The following ARHGEF1 variants were observed in gnomAD, a reference collection of about 807,000 sequenced individuals.
ARHGEF1 encodes the protein 115 kDa guanine nucleotide exchange factor.
ARHGEF1 carries 40 observed loss-of-function variants against 119.7 expected under a neutral mutation model. That is an observed-to-expected ratio of 0.33 (90% CI 0.26 to 0.44). ARHGEF1 has a LOEUF of 0.44. Ranked by LOEUF, ARHGEF1 falls within the 20% of genes least tolerant of loss-of-function variation. The pLI is 1.00. For missense variants in ARHGEF1, 976 were observed against 1,268.3 expected (o/e 0.77, Z 3.50); for synonymous variants, 494 against 521.0 (o/e 0.95, Z 0.71).
At chr19:41,915,230 C>G (rs985504420) in intron 18 of ARHGEF1, among the ~76,000 whole-genome samples, 5 of 141,730 alleles carry the variant, frequency 3.5e-5, no homozygotes, top group East Asian at 2.2e-4. Context: ...CACGTTATAA[C>G]GAGGAGCCGT....
rs1285386935 is a variant in ARHGEF1, at chr19:41,907,222, C to G, written c.*135C>G. On this transcript the variant is annotated 3_prime_UTR_variant, in exon 29 of 29. Coordinates refer to ENST00000354532, the MANE Select transcript of ARHGEF1 (RefSeq NM_004706.4). ...GAGGAGAGGGAGCTGTGGGCCACGC[C>G]TGGGAGGGGCCCAGCTGGGGTTACT... 4 of 1,519,786 alleles carry G rather than the reference C, an allele frequency of 2.6e-6. No individual in the cohort carries two copies. Among genetic ancestry groups the G allele is most frequent in the African/African-American group, 2.8e-5 (2 of 72,426 alleles). The allele number at this position is 1,519,786 out of a possible 1,614,324, so 94.1% of individuals were successfully genotyped here.
intron 12 of ARHGEF1, 60 bp downstream of exon 12, chr19:41,895,546 C>T: frequency 1.3e-6 from 2 of 1,519,944 alleles, no homozygotes; most frequent in Admixed American, 1.9e-5. Flanking sequence ...GGGGTGCTGC[C>T]TGCCCCCTTG....
chr19:41,898,963 C>G (rs1188916909), intron 14 of ARHGEF1, among the ~76,000 whole-genome samples: 2 of 152,146 alleles, frequency 1.3e-5, no homozygotes, highest in Admixed American at 6.6e-5. Context: ...TAGTGCTGGG[C>G]ACAGAGGAAG....
chr19:41,920,839 G>A (rs2074837665), upstream of ARHGEF1, among the ~76,000 whole-genome samples: 1 of 152,246 alleles, frequency 6.6e-6, no homozygotes, highest in Non-Finnish European at 1.5e-5. Flanking sequence ...TTGAGAGGTG[G>A]GGAGGCTCCA....
At chr19:41,894,166 GTCTT>G (rs782083021) in intron 8 of ARHGEF1, 37 bp from the exon 9 acceptor site, 2,162 of 1,226,748 alleles carry the variant, frequency 1.8e-3, no homozygotes, top group Middle Eastern at 2.6e-3. Flanking sequence ...GTGTGTGTGT[GTCTT>G]TGTGTGTGTT....
At chr19:41,924,188 A>T (rs2074858750) in intron 1 of ARHGEF1, among the ~76,000 whole-genome samples, 1 of 151,770 alleles carries the variant, frequency 6.6e-6, no homozygotes, top group Non-Finnish European at 1.5e-5. Context: ...GTGTCACCAA[A>T]GTCCCTAGGT....
upstream of ARHGEF1, chr19:41,922,998 A>C: frequency 2.7e-6 from 1 of 375,736 alleles, no homozygotes; most frequent in Admixed American, 3.3e-5. Context: ...AGGGAATGTG[A>C]GGGGCAGCCT....
Position 41,883,217 on chromosome 19 carries a change from G to C in ARHGEF1, c.-92G>C, listed in dbSNP as rs1326567509. Reference sequence around the variant, plus strand: ...GCCCCGCCAGAGCCAGGAAGCGGGAGCCGGGACCCAGGGCCCGGGATCGCC... The same window carrying C: ...GCCCCGCCAGAGCCAGGAAGCGGGACCCGGGACCCAGGGCCCGGGATCGCC... On this transcript the variant is annotated 5_prime_UTR_variant, in exon 1 of 29. Coordinates refer to ENST00000354532, the MANE Select transcript of ARHGEF1 (RefSeq NM_004706.4). The surrounding 1 kb of genome is among the most constrained non-coding windows in gnomAD (Gnocchi z 7.6). 2 of 190,720 alleles carry C rather than the reference G, an allele frequency of 1.0e-5. No homozygotes were observed. Among genetic ancestry groups the C allele is most frequent in the African/African-American group, 4.8e-5 (2 of 41,736 alleles). 11.8% of individuals were successfully genotyped at this position (190,720 alleles called of 1,614,324 possible). A position where few individuals can be genotyped will look rare whatever the true frequency, so the allele number is the denominator to read the frequency against.
chr19:41,888,124 G>T lies in ARHGEF1; in HGVS notation c.24+18G>T, dbSNP rs781809211. 2.5e-6 allele frequency: 4 copies of T among 1,614,092 alleles called. No homozygotes were observed. Among genetic ancestry groups the T allele is most frequent in the Non-Finnish European group, 3.4e-6 (4 of 1,180,018 alleles). ...GAGGGGCGGTGAGTGGACAGAGCAAGGGGTGAGGCGACTCTGGGGCTGTGG... is the reference window on the plus strand; with the variant it reads ...GAGGGGCGGTGAGTGGACAGAGCAATGGGTGAGGCGACTCTGGGGCTGTGG... On this transcript the variant is annotated intron_variant, in intron 2 of 28. Coordinates refer to ENST00000354532, the MANE Select transcript of ARHGEF1 (RefSeq NM_004706.4). The surrounding 1 kb of genome is among the most constrained non-coding windows in gnomAD (Gnocchi z 5.1).
chr19:41,913,011 G>A (rs1209076220), intron 18 of ARHGEF1: 3 of 591,822 alleles, frequency 5.1e-6, no homozygotes, highest in Admixed American at 4.4e-5. Flanking sequence ...GGCGCTGCCC[G>A]GGGCCTTCCC....
downstream of ARHGEF1, chr19:41,908,291 C>T: frequency 8.1e-7 from 1 of 1,231,596 alleles, no homozygotes; most frequent in Non-Finnish European, 1.0e-6. This position sits in a 1 kb window ranked among gnomAD's most constrained non-coding sequence, Gnocchi z 6.7. Flanking sequence ...CCTCATCGCC[C>T]TCGCTGTCAG....
rs1343492995 is a variant in ARHGEF1, at chr19:41,916,689, G to A, written c.1866-6403G>A. On this transcript the variant is annotated intron_variant, in intron 18 of 20. Coordinates refer to the ARHGEF1 transcript ENST00000599589. This position sits in a 1 kb window ranked among gnomAD's most constrained non-coding sequence, Gnocchi z 5.4. Reference sequence around the variant, plus strand: ...AACCAAGCACCACCGACCCTCGAGCGCATACATATGCACTTGGTCACGCAT... The same window carrying A: ...AACCAAGCACCACCGACCCTCGAGCACATACATATGCACTTGGTCACGCAT... 1.3e-5 allele frequency among the ~76,000 whole-genome samples: 2 copies of A among 151,476 alleles called. No homozygotes were observed. The highest frequency in any genetic ancestry group is 2.9e-5 in the Non-Finnish European group (2 of 67,900).
upstream of ARHGEF1, among the ~76,000 whole-genome samples, chr19:41,921,597 G>A (rs1286690509): frequency 6.6e-6 from 1 of 152,122 alleles, no homozygotes; most frequent in Non-Finnish European, 1.5e-5. The surrounding 1 kb of genome is among the most constrained non-coding windows in gnomAD (Gnocchi z 4.4). Context: ...TAGAAAGCTG[G>A]AGGTCACGGG....
At chr19:41,920,536 TCA>T (rs1467490970), upstream of ARHGEF1, among the ~76,000 whole-genome samples, 3 of 148,398 alleles carry the variant, frequency 2.0e-5, no homozygotes, top group Non-Finnish European at 4.4e-5. Context: ...CATGATGCAC[TCA>T]CAGACAGGAC....
Position 41,894,469 on chromosome 19 carries a change from T to C in ARHGEF1, c.763T>C (p.Ser255Pro). 1 of 1,565,030 alleles carries C rather than the reference T, an allele frequency of 6.4e-7. No homozygotes were observed. Among genetic ancestry groups the C allele is most frequent in the Non-Finnish European group, 8.7e-7 (1 of 1,153,214 alleles). ...FRKKVMGNRR[S>P]DEPAKTKKGL... Reference sequence around the variant, plus strand: ...CTCACAGGTGATGGGGAACCGGCGGTCGGACGAGCCTGCCAAGACCAAGAA... The same window carrying C: ...CTCACAGGTGATGGGGAACCGGCGGCCGGACGAGCCTGCCAAGACCAAGAA... The change falls in exon 10 of 29, where the codon TCG becomes CCG. Residue 255 changes from serine (S) to proline (P), a missense_variant. By Grantham distance (74) the Ser-to-Pro change is moderately conservative (BLOSUM62 -1). Transcript: ENST00000354532.
chr19:41,904,224 GTGC>G lies in ARHGEF1; in HGVS notation c.2011_2013del (p.Leu671del). On this transcript the variant is annotated inframe_deletion, in exon 22 of 29. Coordinates refer to ENST00000354532, the MANE Select transcript of ARHGEF1 (RefSeq NM_004706.4). The surrounding 1 kb of genome is among the most constrained non-coding windows in gnomAD (Gnocchi z 8.4). ...CACTGCTCGCCCCGTAGAGGTGCATGTGCTGCTGCTGGACGACCTGCTGCTGCT... is the reference window on the plus strand; with the variant it reads ...CACTGCTCGCCCCGTAGAGGTGCATGTGCTGCTGGACGACCTGCTGCTGCT... 1 of 1,613,590 alleles carries G rather than the reference GTGC, an allele frequency of 6.2e-7. No individual in the cohort carries two copies. The highest frequency in any genetic ancestry group is 8.5e-7 in the Non-Finnish European group (1 of 1,179,802).
At position 41,892,374 on chromosome 19, in the gene ARHGEF1, G is replaced by T; in HGVS notation, c.367+1G>T. 1.2e-6 allele frequency: 2 copies of T among 1,614,074 alleles called. No individual in the cohort carries two copies. The highest frequency in any genetic ancestry group is 1.7e-6 in the Non-Finnish European group (2 of 1,180,000). ...CCTCCCAACGTCGCCTTTGAACTTG[G>T]TAAGGAGAAGGATGGGATGAGGGAG... On this transcript the variant is annotated splice_donor_variant, in intron 6 of 28. Transcript: ENST00000354532. LOFTEE classifies it high-confidence loss of function. The surrounding 1 kb of genome is among the most constrained non-coding windows in gnomAD (Gnocchi z 6.3).
At chr19:41,922,093 C>T (rs7260129), upstream of ARHGEF1, among the ~76,000 whole-genome samples, 33,513 of 151,846 alleles carry the variant, frequency 0.22, 10,643 homozygotes, top group African/African-American at 0.71. Flanking sequence ...GCTGGAGGGG[C>T]GGGGGCAGAG....
chr19:41,926,729 G>C (rs1044583701), intron 1 of ARHGEF1, among the ~76,000 whole-genome samples: 7 of 152,068 alleles, frequency 4.6e-5, no homozygotes, highest in African/African-American at 7.2e-5. Context: ...GGGAGCGGGC[G>C]GGGGGGCCGT....
Sources: allele counts gnomAD v4.1 joint callset (sites outside exome capture counted in the v4.1 genomes callset), GRCh38; gene constraint gnomAD v4.1.1; non-coding constraint Gnocchi (gnomAD v3.1); transcripts MANE v1.5; gene names NCBI Gene and HGNC (gene_info 2026-07-23, HGNC 2026-07-21).